Variants in ECHDC2 observed in about 807,000 individuals in gnomAD.
The protein encoded by ECHDC2 is enoyl-CoA hydratase domain containing 2, also known as enoyl-CoA hydratase domain-containing protein 2, mitochondrial.
ECHDC2 carries 34 observed loss-of-function variants against 40.6 expected under a neutral mutation model. The observed-to-expected ratio is 0.84, with a 90% CI of 0.64 to 1.11. The LOEUF (loss-of-function observed/expected upper bound fraction) is 1.11. Among genes scored for constraint, ECHDC2 ranks in the 50% most tolerant of loss-of-function variants. The pLI is 0.00. For missense variants in ECHDC2, 392 were observed against 400.7 expected (o/e 0.98, Z 0.19); for synonymous variants, 162 against 166.6 (o/e 0.97, Z 0.21).
At chr1:52,915,418 G>A (rs1650465140) in intron 1 of ECHDC2, 1 of 452,376 alleles carries the variant, frequency 2.2e-6, no homozygotes, top group African/African-American at 2.0e-5. Flanking sequence ...ACAGAACTAT[G>A]GCTAGGGGCA....
intron 5 of ECHDC2, 133 bp from the exon 6 acceptor site, chr1:52,905,223 C>CA: frequency 1.1e-6 from 1 of 898,560 alleles, no homozygotes; most frequent in Non-Finnish European, 1.7e-6. Flanking sequence ...ACAGCCAGGC[C>CA]TCTCCAGACT....
chr1:52,920,543 C>A, intron 1 of ECHDC2: 1 of 1,489,552 alleles, frequency 6.7e-7, no homozygotes, highest in Non-Finnish European at 9.3e-7. Flanking sequence ...AATGGAAGGC[C>A]ACGGGGAAGG....
intron 7 of ECHDC2, among the ~76,000 whole-genome samples, chr1:52,903,564 C>A (rs1230750121): frequency 6.6e-6 from 1 of 151,636 alleles, no homozygotes; most frequent in African/African-American, 2.4e-5. Flanking sequence ...TGCTTTTTCC[C>A]AAATAACTGG....
chr1:52,904,648 G>A lies in ECHDC2; in HGVS notation c.700C>T (p.Gln234Ter). 1 of 1,586,214 alleles carries A rather than the reference G, an allele frequency of 6.3e-7. No homozygotes were observed. The highest frequency in any genetic ancestry group is 8.6e-7 in the Non-Finnish European group (1 of 1,164,634). Residue 234 changes from glutamine to a stop codon, truncating the protein, a stop_gained and splice_region_variant, in exon 7 of 10, where the codon CAG becomes TAG. Coordinates refer to ENST00000371522, the MANE Select transcript of ECHDC2 (RefSeq NM_001198961.2). LOFTEE classifies it high-confidence loss of function. Reference protein sequence around the residue: ...ARALAQEILPQAPIAVRLGKV... With the variant: ...ARALAQEILP ...CTGGTGCCGAGCTGTCACCACACCT[G>A]GGGCAGGATCTCCTGGGCCAGTGCT...
intron 7 of ECHDC2, among the ~76,000 whole-genome samples, chr1:52,902,276 C>T (rs1456074559): frequency 1.3e-5 from 2 of 152,186 alleles, no homozygotes; most frequent in Admixed American, 1.3e-4. Context: ...CGTGCCTCAG[C>T]CTCCTGAGTA....
chr1:52,905,744 C>T (rs1473502735), intron 5 of ECHDC2: 2 of 161,944 alleles, frequency 1.2e-5, no homozygotes, highest in Non-Finnish European at 2.7e-5. Flanking sequence ...TTAGTCTTCC[C>T]CAAAACCCTG....
At chr1:52,913,384 C>T (rs1016320256) in intron 1 of ECHDC2, 4 of 152,198 alleles carry the variant, frequency 2.6e-5, no homozygotes, top group Non-Finnish European at 5.9e-5. Flanking sequence ...ACCTTCCATT[C>T]GCTCAAACCT....
chr1:52,903,590 C>G (rs561713882), intron 7 of ECHDC2, among the ~76,000 whole-genome samples: 1 of 151,860 alleles, frequency 6.6e-6, no homozygotes, highest in South Asian at 2.1e-4. Context: ...CAGGCTCGAA[C>G]TACCACATCT....
At chr1:52,912,728 T>C (rs1319864289) in intron 1 of ECHDC2, 12 of 152,126 alleles carry the variant, frequency 7.9e-5, no homozygotes, top group African/African-American at 2.9e-4. Context: ...ATTTTTTTTT[T>C]TGAGACAGAG....
chr1:52,911,337 T>TAG (rs1649435209), intron 3 of ECHDC2, among the ~76,000 whole-genome samples: 1 of 152,102 alleles, frequency 6.6e-6, no homozygotes, highest in Admixed American at 6.5e-5. Context: ...ATAGCCGAAA[T>TAG]AACTAAGATC....
chr1:52,896,635 G>A lies in ECHDC2; in HGVS notation c.802-38C>T, dbSNP rs374978797. Reference sequence around the variant, plus strand: ...ACAAAATATTAGTTTTGGGGGAGCAGGGCCACAGGCCCAAAAAGAGTTGCT... The same window carrying A: ...ACAAAATATTAGTTTTGGGGGAGCAAGGCCACAGGCCCAAAAAGAGTTGCT... On this transcript the variant is annotated intron_variant, in intron 9 of 9. Coordinates refer to ENST00000371522, the MANE Select transcript of ECHDC2 (RefSeq NM_001198961.2). 89 of 1,557,322 alleles carry A rather than the reference G, an allele frequency of 5.7e-5. No homozygotes were observed. In the African/African-American group the frequency reaches 1.1e-3, roughly 20 times the overall value.
At chr1:52,903,968 C>A (rs535411026) in intron 7 of ECHDC2, among the ~76,000 whole-genome samples, 1 of 152,112 alleles carries the variant, frequency 6.6e-6, no homozygotes, top group East Asian at 1.9e-4. Flanking sequence ...CAGGTGCGTG[C>A]CTCCACACCC....
At chr1:52,919,827 A>C (rs1041507048) in intron 1 of ECHDC2, among the ~76,000 whole-genome samples, 1 of 152,054 alleles carries the variant, frequency 6.6e-6, no homozygotes, top group African/African-American at 2.4e-5. Flanking sequence ...TCCTTCTCTC[A>C]CTGCCTTTTC....
chr1:52,896,651 A>G (rs1646653409), intron 9 of ECHDC2, 54 bp from the exon 10 acceptor site: 1 of 1,456,726 alleles, frequency 6.9e-7, no homozygotes. Flanking sequence ...CAGGCCCAAA[A>G]AGAGTTGCTT....
chr1:52,920,284 TGGG>T, intron 1 of ECHDC2: 1 of 582,008 alleles, frequency 1.7e-6, no homozygotes, highest in Admixed American at 2.9e-5. Context: ...GATGCACACT[TGGG>T]AACAGTGGGC....
chr1:52,920,379 C>T (rs561131959), intron 1 of ECHDC2: 9 of 711,704 alleles, frequency 1.3e-5, no homozygotes, highest in Non-Finnish European at 2.0e-5. Flanking sequence ...GGAAGCAATA[C>T]TGCTGGGGAA....
chr1:52,911,728 TGACGAA>T lies in ECHDC2; in HGVS notation c.178_183del (p.Phe60_Val61del). ...TGGCGCCCGCCCTTTCTTACCTCAC[TGACGAA>T]GACATTCCCCAAGGCATTGCGGGCA... On this transcript the variant is annotated inframe_deletion, in exon 2 of 10. Coordinates refer to ENST00000371522, the MANE Select transcript of ECHDC2 (RefSeq NM_001198961.2). The T allele has an allele frequency of 4.5e-6, 7 of 1,552,452 alleles. No homozygotes were observed. Among genetic ancestry groups the T allele is most frequent in the South Asian group, 1.1e-5 (1 of 89,812 alleles).
chr1:52,912,124 A>C (rs1375061226), intron 1 of ECHDC2: 4 of 967,138 alleles, frequency 4.1e-6, no homozygotes, highest in Non-Finnish European at 5.4e-6. Context: ...ACAAGCACAC[A>C]TGCACCCATG....
At position 52,921,595 on chromosome 1, in the gene ECHDC2, CCCCGGCCGCCCCGTCGGAAGCG is replaced by C; in HGVS notation, c.57_78del (p.Cys19TrpfsTer21). 6.2e-7 allele frequency: 1 copy of C among 1,605,788 alleles called. No homozygotes were observed. The highest frequency in any genetic ancestry group is 8.5e-7 in the Non-Finnish European group (1 of 1,176,900). On this transcript the variant is annotated frameshift_variant, in exon 1 of 10. Coordinates refer to ENST00000371522, the MANE Select transcript of ECHDC2 (RefSeq NM_001198961.2). LOFTEE classifies it high-confidence loss of function. ...AGGGCGCGCACTTGGATCTCTGAGC[CCCCGGCCGCCCCGTCGGAAGCG>C]CAGCCGCGGGCCCGAAGGGGCCTCC...
Sources: allele counts gnomAD v4.1 joint callset (sites outside exome capture counted in the v4.1 genomes callset), GRCh38; gene constraint gnomAD v4.1.1; transcripts MANE v1.5; gene names NCBI Gene and HGNC (gene_info 2026-07-23, HGNC 2026-07-21).